The following TMEM117 variants were observed in gnomAD, a reference collection of about 807,000 sequenced individuals.
TMEM117 encodes transmembrane protein 117.
In TMEM117, 27 loss-of-function variants were observed where a neutral mutation model predicts 52.4. That is an observed-to-expected ratio of 0.51 (90% CI 0.38 to 0.71). The LOEUF (loss-of-function observed/expected upper bound fraction) is 0.71. TMEM117 is among the 30% of genes least tolerant of loss of function. The pLI is 0.00. For synonymous variants in TMEM117, 215 were observed against 206.3 expected, an observed-to-expected ratio of 1.04 and a Z score of -0.36; for missense variants, 556 against 630.5, an observed-to-expected ratio of 0.88 and a Z score of 1.26.
chr12:43,849,441 A>C (rs987646145), intron 2 of TMEM117, among the ~76,000 whole-genome samples: 9 of 152,194 alleles, frequency 5.9e-5, no homozygotes, highest in Non-Finnish European at 1.2e-4. Flanking sequence ...TTGGTTTTGT[A>C]ATTGCAACAT....
chr12:44,336,570 G>A (rs1307735176), intron 6 of TMEM117, among the ~76,000 whole-genome samples: 2 of 151,906 alleles, frequency 1.3e-5, no homozygotes, highest in East Asian at 1.9e-4. Flanking sequence ...TTAGTGATCC[G>A]TGGTGATTAA....
intron 5 of TMEM117, among the ~76,000 whole-genome samples, chr12:44,235,792 T>C (rs543187263): frequency 1.3e-5 from 2 of 151,968 alleles, no homozygotes; most frequent in African/African-American, 4.8e-5. Context: ...GAAAATGTCT[T>C]ACTTTAATCT....
chr12:44,045,321 G>C (rs1946863747), intron 3 of TMEM117, among the ~76,000 whole-genome samples: 1 of 152,164 alleles, frequency 6.6e-6, no homozygotes, highest in Non-Finnish European at 1.5e-5. Context: ...CCATTCTTCG[G>C]GGTGATCAGC....
chr12:43,936,191 T>C (rs1944949899), intron 2 of TMEM117, among the ~76,000 whole-genome samples: 1 of 151,800 alleles, frequency 6.6e-6, no homozygotes, highest in Non-Finnish European at 1.5e-5. Context: ...GACAGGCCAG[T>C]TAAGAGGGCA....
rs375307409 is a variant in TMEM117, at chr12:44,295,901, T to C, written c.609-3679T>C. Among the ~76,000 whole-genome samples, 39 of 152,292 alleles carry C rather than the reference T, an allele frequency of 2.6e-4. No homozygotes were observed. The South Asian group carries it at 6.0e-3, about 23-fold the overall frequency. On this transcript the variant is annotated intron_variant, in intron 5 of 7. Transcript: ENST00000266534. ...GGTGTCATGTTTATCTAATTCTTTA[T>C]TGTCTGTGTAGCTTTGCCTTTGTGT... is the stretch of plus-strand genomic sequence containing the variant.
chr12:44,126,795 G>T (rs1403422944), intron 3 of TMEM117, among the ~76,000 whole-genome samples: 1 of 152,204 alleles, frequency 6.6e-6, no homozygotes, highest in Non-Finnish European at 1.5e-5. Context: ...ACACTTTTTA[G>T]GTTGGACATG....
At chr12:43,805,941 C>T in the TMEM117 span, 1 of 1,532,236 alleles carries the variant, frequency 6.5e-7, no homozygotes, top group Non-Finnish European at 8.8e-7. Context: ...GGAAGGCACG[C>T]CCCCTTCAAC....
intron 3 of TMEM117, among the ~76,000 whole-genome samples, chr12:44,084,788 A>T (rs1947539178): frequency 6.6e-6 from 1 of 152,154 alleles, no homozygotes; most frequent in Admixed American, 6.5e-5. Context: ...ATATACTCTT[A>T]CGTTGTTGCT....
intron 3 of TMEM117, among the ~76,000 whole-genome samples, chr12:43,966,248 A>C (rs1002095250): frequency 1.3e-5 from 2 of 152,142 alleles, no homozygotes; most frequent in Non-Finnish European, 2.9e-5. Context: ...AACCTTTTCC[A>C]CTAGAAAAAG....
At chr12:44,283,824 A>C (rs1461502138) in intron 5 of TMEM117, among the ~76,000 whole-genome samples, 3 of 152,120 alleles carry the variant, frequency 2.0e-5, no homozygotes, top group Non-Finnish European at 2.9e-5. Context: ...TCCCTACCCA[A>C]ATCTCAACTT....
chr12:44,221,435 G>A (rs1592617870), intron 5 of TMEM117, among the ~76,000 whole-genome samples: 1 of 152,056 alleles, frequency 6.6e-6, no homozygotes, highest in East Asian at 1.9e-4. Flanking sequence ...TCTAACTATG[G>A]ACTATTTCTT....
intron 3 of TMEM117, among the ~76,000 whole-genome samples, chr12:44,132,943 G>A (rs1018096811): frequency 3.9e-5 from 6 of 152,144 alleles, no homozygotes; most frequent in African/African-American, 7.2e-5. Context: ...TATTTTACTC[G>A]TGGTCCCAAC....
rs1947507994 is a variant in TMEM117 at position 44,083,051 on chromosome 12, CA to C, written c.411-60472del. Among the ~76,000 whole-genome samples, 3 of 152,140 alleles carry C rather than the reference CA, an allele frequency of 2.0e-5. No individual in the cohort carries two copies. In the South Asian group the frequency reaches 6.2e-4, roughly 32 times the overall value. On this transcript the variant is annotated intron_variant, in intron 3 of 7. Transcript: ENST00000266534. ...AACATTCCATTGTGTGAGTATACCA[CA>C]AGTTATTTATCCATTTTTCTATCGG...
chr12:43,916,829 T>C (rs1221296595), intron 2 of TMEM117, among the ~76,000 whole-genome samples: 6 of 152,308 alleles, frequency 3.9e-5, no homozygotes, highest in Admixed American at 3.3e-4. Context: ...TCTGATTTCT[T>C]GTTGGCGTGA....
chr12:44,214,320 T>G (rs1299235201), intron 5 of TMEM117, among the ~76,000 whole-genome samples: 1 of 151,466 alleles, frequency 6.6e-6, no homozygotes, highest in Non-Finnish European at 1.5e-5. Context: ...TAGTTTTTTT[T>G]GTTGTTGTTT....
At chr12:43,870,880 G>A (rs962431500) in intron 2 of TMEM117, among the ~76,000 whole-genome samples, 3 of 152,214 alleles carry the variant, frequency 2.0e-5, no homozygotes, top group African/African-American at 7.2e-5. Context: ...TGCCTCCTGG[G>A]TTCAAGCGAT....
chr12:44,328,335 A>C (rs1432596388), intron 6 of TMEM117, among the ~76,000 whole-genome samples: 1 of 145,950 alleles, frequency 6.9e-6, no homozygotes, highest in Non-Finnish European at 1.5e-5. Flanking sequence ...CGCTGACTCA[A>C]ATTGAATTGA....
chr12:43,995,256 TAAA>T (rs748844343), intron 3 of TMEM117, among the ~76,000 whole-genome samples: 3 of 123,286 alleles, frequency 2.4e-5, no homozygotes, highest in Admixed American at 7.9e-5. Flanking sequence ...GGCTCTGTCT[TAAA>T]AAAAAAAAAA....
At chr12:44,377,080 C>G (rs181359258) in intron 7 of TMEM117, among the ~76,000 whole-genome samples, 49 of 152,280 alleles carry the variant, frequency 3.2e-4, no homozygotes, top group Non-Finnish European at 5.7e-4. Flanking sequence ...CATAGCCCTA[C>G]TTAGAGTCAG....
Sources: gnomAD v4.1 joint callset for allele counts (sites outside exome capture counted in the v4.1 genomes callset) on GRCh38, gnomAD v4.1.1 for gene constraint, MANE v1.5 for transcripts, NCBI Gene and HGNC (gene_info 2026-07-23, HGNC 2026-07-21) for gene names.